Variants in PCDHA6 observed in about 807,000 individuals in gnomAD.
PCDHA6 encodes protocadherin alpha 6.
PCDHA6 carries 55 observed loss-of-function variants against 60.3 expected under a neutral mutation model. The ratio of observed to expected loss-of-function variants is 0.91; its 90% CI spans 0.73 to 1.14. The LOEUF (loss-of-function observed/expected upper bound fraction) is 1.14, where lower values mean the gene tolerates loss of function less well. Among genes scored for constraint, PCDHA6 ranks in the 50% most tolerant of loss-of-function variants. PCDHA6 has a pLI of 0.00. For synonymous variants in PCDHA6, 652 were observed against 557.9 expected (o/e 1.17, Z -2.38); for missense variants, 1,327 against 1,256.5 (o/e 1.06, Z -0.85).
intron 1 of PCDHA6, chr5:140,928,699 G>C (rs782291734): frequency 1.2e-6 from 2 of 1,614,170 alleles, no homozygotes; most frequent in East Asian, 2.2e-5. Flanking sequence ...CATCTCCCGG[G>C]CGTCTGACTC....
At chr5:140,844,885 T>C (rs1288231752) in intron 1 of PCDHA6, among the ~76,000 whole-genome samples, 1 of 149,522 alleles carries the variant, frequency 6.7e-6, no homozygotes, top group Non-Finnish European at 1.5e-5. Flanking sequence ...TTAGACTTCG[T>C]GCATATTGCT....
rs200439538 is a variant in PCDHA6, at chr5:140,842,555, G to T, written c.2394+12070G>T. On this transcript the variant is annotated intron_variant, in intron 1 of 3. Transcript: ENST00000529310. ...TTACTACTCGTTGGTGCTGGACAGC[G>T]CCCTGGACCGCGAGAGAGTGTCGGC... The T allele has an allele frequency of 1.4e-6, 2 of 1,465,832 alleles. No homozygotes were observed. Among genetic ancestry groups the T allele is most frequent in the Non-Finnish European group, 1.9e-6 (2 of 1,075,884 alleles). The allele number at this position is 1,465,832 out of a possible 1,614,324, so 90.8% of individuals were successfully genotyped here. A position where few individuals can be genotyped will look rare whatever the true frequency, so the allele number is the denominator to read the frequency against.
Position 140,841,611 on chromosome 5 carries a change from G to A in PCDHA6, c.2394+11126G>A, listed in dbSNP as rs2150319293. ...CGGATCGACCGCGAGGAGCTGTGCG[G>A]GCGGAGCGCGGAGTGCAGCATCCAC... On this transcript the variant is annotated intron_variant, in intron 1 of 3. Transcript: ENST00000529310. 6 of 1,614,136 alleles carry A rather than the reference G, an allele frequency of 3.7e-6. No individual in the cohort carries two copies. The highest frequency in any genetic ancestry group is 4.2e-6 in the Non-Finnish European group (5 of 1,180,014).
At chr5:140,987,239 G>T (rs1005484275) in intron 3 of PCDHA6, among the ~76,000 whole-genome samples, 6 of 151,586 alleles carry the variant, frequency 4.0e-5, no homozygotes, top group East Asian at 1.9e-4. Flanking sequence ...AATAAATAAA[G>T]AAAGAAAGAC....
intron 1 of PCDHA6, among the ~76,000 whole-genome samples, chr5:140,942,913 G>GA (rs58669311): frequency 1.5e-4 from 23 of 148,948 alleles, no homozygotes; most frequent in Middle Eastern, 3.5e-3. Flanking sequence ...TAAGCGTGAA[G>GA]AAAAAAAAAA....
intron 1 of PCDHA6, chr5:140,857,488 C>A (rs782255025): frequency 6.3e-7 from 1 of 1,598,442 alleles, no homozygotes; most frequent in South Asian, 1.1e-5. Context: ...CTGCGTGGGA[C>A]GCGGACGCGC....
At position 140,875,988 on chromosome 5, in the gene PCDHA6, A is replaced by G. The variant is rs144050089; in HGVS notation, c.2394+45503A>G. On this transcript the variant is annotated intron_variant, in intron 1 of 3. Transcript: ENST00000529310. ...TAAACTCTCTTTTGACCTATGCGTT[A>G]AGTCTAAATGAGAATTTTGAGCTTA... 4,280 of 1,614,014 alleles carry G rather than the reference A, an allele frequency of 2.7e-3. 13 individuals are homozygous for G. The highest frequency in any genetic ancestry group is 3.4e-3 in the Non-Finnish European group (4,021 of 1,179,898).
At chr5:140,850,426 G>A (rs2150483795) in intron 1 of PCDHA6, 1 of 1,597,836 alleles carries the variant, frequency 6.3e-7, no homozygotes, top group Non-Finnish European at 8.6e-7. Flanking sequence ...GACGCACCGC[G>A]CCAGCGCCTA....
intron 3 of PCDHA6, among the ~76,000 whole-genome samples, chr5:141,004,044 T>G (rs2098148933): frequency 6.6e-6 from 1 of 152,234 alleles, no homozygotes; most frequent in African/African-American, 2.4e-5. Context: ...ATTGATCATT[T>G]GCTGATACTG....
intron 1 of PCDHA6, chr5:140,842,775 A>T (rs1778262095): frequency 6.3e-7 from 1 of 1,594,430 alleles, no homozygotes; most frequent in Non-Finnish European, 8.6e-7. Flanking sequence ...GCGGACGCGC[A>T]GGAGAACGCG....
chr5:141,009,944 C>T lies in PCDHA6; in HGVS notation c.*7C>T. On this transcript the variant is annotated 3_prime_UTR_variant, in exon 4 of 4. Coordinates refer to ENST00000529310, the MANE Select transcript of PCDHA6 (RefSeq NM_018909.4). Reference sequence around the variant, plus strand: ...TGACAACAGTGACCAGTGAGGTCCTCAAATGGAAACAAGCCACTTAGCCAG... The same window carrying T: ...TGACAACAGTGACCAGTGAGGTCCTTAAATGGAAACAAGCCACTTAGCCAG... The T allele has an allele frequency of 6.3e-7, 1 of 1,595,754 alleles. No individual in the cohort carries two copies. The highest frequency in any genetic ancestry group is 1.1e-5 in the South Asian group (1 of 87,514).
At chr5:140,872,547 A>G (rs1438827788) in intron 1 of PCDHA6, among the ~76,000 whole-genome samples, 1 of 152,128 alleles carries the variant, frequency 6.6e-6, no homozygotes, top group Non-Finnish European at 1.5e-5. Context: ...GGATCCCCTG[A>G]ACCCAGGGGT....
intron 1 of PCDHA6, among the ~76,000 whole-genome samples, chr5:140,890,446 T>C (rs1554184296): frequency 6.6e-6 from 1 of 152,228 alleles, no homozygotes; most frequent in Admixed American, 6.5e-5. Context: ...CCTAGTGATA[T>C]CTTTAGGCAC....
chr5:140,986,714 CATT>C (rs1426352732), intron 3 of PCDHA6, among the ~76,000 whole-genome samples: 4 of 152,118 alleles, frequency 2.6e-5, no homozygotes, highest in Non-Finnish European at 4.4e-5. Flanking sequence ...CAGAAGATAA[CATT>C]ATAGCTTCTC....
At position 140,849,901 on chromosome 5, in the gene PCDHA6, C is replaced by T. The variant is rs1554143464; in HGVS notation, c.2394+19416C>T. On this transcript the variant is annotated intron_variant, in intron 1 of 3. Coordinates refer to ENST00000529310, the MANE Select transcript of PCDHA6 (RefSeq NM_018909.4). ...ACGGTGTTCGTGAAGGAGAACAACC[C>T]GCCGGGCTGCCACATCTTCACGGTG... 8.1e-6 allele frequency: 13 copies of T among 1,598,462 alleles called. 2 individuals are homozygous for T. The highest frequency in any genetic ancestry group is 1.1e-5 in the South Asian group (1 of 90,542).
intron 1 of PCDHA6, chr5:140,842,938 C>A: frequency 1.3e-6 from 2 of 1,594,552 alleles, no homozygotes; most frequent in East Asian, 2.2e-5. Context: ...GCGCGCGCGA[C>A]GCGGGCGTGC....
intron 1 of PCDHA6, among the ~76,000 whole-genome samples, chr5:140,890,099 A>G (rs1301934861): frequency 2.0e-5 from 3 of 152,086 alleles, no homozygotes; most frequent in African/African-American, 7.2e-5. Context: ...TTTATTCCCA[A>G]CTCTGGATTC....
At chr5:140,843,746 T>C (rs1554140400) in intron 1 of PCDHA6, 6 of 1,531,640 alleles carry the variant, frequency 3.9e-6, no homozygotes, top group Non-Finnish European at 5.4e-6. Context: ...AACTCATAAA[T>C]TCTATTTGTG....
intron 1 of PCDHA6, among the ~76,000 whole-genome samples, chr5:140,923,770 G>C (rs1554201580): frequency 6.6e-6 from 1 of 152,152 alleles, no homozygotes; most frequent in East Asian, 1.9e-4. Context: ...AATCCTACTG[G>C]GTGGATGGTT....
Sources: allele counts gnomAD v4.1 joint callset (sites outside exome capture counted in the v4.1 genomes callset), GRCh38; gene constraint gnomAD v4.1.1; transcripts MANE v1.5; gene names NCBI Gene and HGNC (gene_info 2026-07-23, HGNC 2026-07-21).